The following NCK2 variants were observed in gnomAD, a reference collection of about 807,000 sequenced individuals.
NCK2 encodes the protein cytoplasmic protein NCK2.
A neutral mutation model predicts 33.9 loss-of-function variants in NCK2; 16 were observed. The ratio of observed to expected loss-of-function variants is 0.47; its 90% confidence interval spans 0.32 to 0.72. NCK2 has a LOEUF of 0.72. Ranked by LOEUF, NCK2 falls within the 30% of genes least tolerant of loss-of-function variation. The pLI, the probability that NCK2 is intolerant of heterozygous loss-of-function variation, is 0.03. For missense variants in NCK2, 418 were observed against 537.3 expected (o/e 0.78, Z 2.19); for synonymous variants, 273 against 239.9 (o/e 1.14, Z -1.27).
At position 105,883,666 on chromosome 2, in the gene NCK2, T is replaced by G. The variant is rs190758578; in HGVS notation, c.948+1617T>G. On this transcript the variant is annotated intron_variant, in intron 4 of 4. Coordinates refer to ENST00000233154, the MANE Select transcript of NCK2 (RefSeq NM_003581.5). ...TTGCTGTCTGAATTCAGGGACCAAGTCCCTTTGGATAAGGAGGGATGCATG... is the reference window on the plus strand; with the variant it reads ...TTGCTGTCTGAATTCAGGGACCAAGGCCCTTTGGATAAGGAGGGATGCATG... Among the ~76,000 whole-genome samples, 3 of 152,278 alleles carry G rather than the reference T, an allele frequency of 2.0e-5. No individual in the cohort carries two copies. In the East Asian group the frequency reaches 5.8e-4, roughly 29 times the overall value.
chr2:105,855,318 C>G lies in NCK2; in HGVS notation c.226+29C>G, dbSNP rs768278565. 2.0e-6 allele frequency: 3 copies of G among 1,523,722 alleles called. No homozygotes were observed. In the African/African-American group the frequency reaches 4.1e-5, roughly 21 times the overall value. 94.4% of individuals were successfully genotyped at this position (1,523,722 alleles called of 1,614,324 possible). On this transcript the variant is annotated intron_variant, in intron 3 of 4. Coordinates refer to ENST00000233154, the MANE Select transcript of NCK2 (RefSeq NM_003581.5). ...AGTGTTTCACCCTCGAGAGAGGAAG[C>G]CTTGTGCATTTCAAGGGACACTGTT...
At chr2:105,858,582 A>G (rs1677384944) in intron 3 of NCK2, among the ~76,000 whole-genome samples, 1 of 152,198 alleles carries the variant, frequency 6.6e-6, no homozygotes, top group Non-Finnish European at 1.5e-5. Flanking sequence ...CTGCTTTGGA[A>G]TAAAATGGCA....
Position 105,855,258 on chromosome 2 carries a change from C to T in NCK2, c.195C>T (p.Gly65=), listed in dbSNP as rs758342518. 2 of 1,610,772 alleles carry T rather than the reference C, an allele frequency of 1.2e-6. No individual in the cohort carries two copies. Among genetic ancestry groups the T allele is most frequent in the Non-Finnish European group, 1.7e-6 (2 of 1,178,560 alleles). The change falls in exon 3 of 5, where the codon GGC becomes GGT. Residue 65 remains glycine (G), a synonymous_variant. Transcript: ENST00000233154. ...YVERKNSLKK[G]SLVKNLKDTL... ...AGCGGAAGAACAGCCTGAAGAAGGG[C>T]TCCCTCGTGAAGAACCTGAAGGACA...
intron 2 of NCK2, among the ~76,000 whole-genome samples, chr2:105,835,997 C>T (rs937402773): frequency 2.7e-5 from 4 of 150,486 alleles, no homozygotes; most frequent in African/African-American, 9.9e-5. Flanking sequence ...TGTTGAATTT[C>T]TCCATGAATT....
chr2:105,757,123 A>T (rs890340634), intron 1 of NCK2, among the ~76,000 whole-genome samples: 4 of 152,132 alleles, frequency 2.6e-5, no homozygotes, highest in African/African-American at 9.7e-5. Flanking sequence ...AACTTTATTA[A>T]TGGCTCATGT....
At chr2:105,760,274 A>G (rs927332169) in intron 1 of NCK2, among the ~76,000 whole-genome samples, 3 of 152,162 alleles carry the variant, frequency 2.0e-5, no homozygotes, top group Non-Finnish European at 4.4e-5. Context: ...ATAGGATAGG[A>G]TGGTGCCCCA....
intron 1 of NCK2, among the ~76,000 whole-genome samples, chr2:105,784,680 T>G (rs1690612904): frequency 6.6e-6 from 1 of 152,198 alleles, no homozygotes; most frequent in African/African-American, 2.4e-5. Flanking sequence ...AAGATTCTCA[T>G]TTAGTCTAGT....
chr2:105,818,231 G>A (rs1013702540), intron 2 of NCK2, among the ~76,000 whole-genome samples: 1 of 138,656 alleles, frequency 7.2e-6, no homozygotes, highest in African/African-American at 2.7e-5. Flanking sequence ...TGAACAATGA[G>A]AACACTTGGA....
chr2:105,880,508 G>C (rs1678426931), intron 3 of NCK2, among the ~76,000 whole-genome samples: 1 of 152,188 alleles, frequency 6.6e-6, no homozygotes, highest in Admixed American at 6.5e-5. Flanking sequence ...GGTGGGGGCA[G>C]TGAGTGTCCC....
chr2:105,880,380 C>T (rs567577781), intron 3 of NCK2, among the ~76,000 whole-genome samples: 4 of 152,314 alleles, frequency 2.6e-5, no homozygotes, highest in African/African-American at 9.6e-5. Context: ...GCACTCATCA[C>T]AATCTGTTGT....
intron 1 of NCK2, among the ~76,000 whole-genome samples, chr2:105,812,235 CTG>C (rs1267791636): frequency 1.3e-5 from 2 of 152,194 alleles, no homozygotes; most frequent in Non-Finnish European, 2.9e-5. Context: ...CTGGGAACCA[CTG>C]TGCACTGGAT....
At chr2:105,837,069 G>A (rs185045234) in intron 2 of NCK2, among the ~76,000 whole-genome samples, 1 of 152,296 alleles carries the variant, frequency 6.6e-6, no homozygotes, top group East Asian at 1.9e-4. Flanking sequence ...AGTCAGTCCT[G>A]GCTGGCTGCT....
intron 2 of NCK2, among the ~76,000 whole-genome samples, chr2:105,822,238 C>T (rs1252102626): frequency 5.3e-5 from 8 of 152,196 alleles, no homozygotes; most frequent in African/African-American, 1.9e-4. Context: ...AAGGGGGCAC[C>T]AGCTGGGAAC....
At chr2:105,812,226 TG>T (rs1224554356) in intron 1 of NCK2, among the ~76,000 whole-genome samples, 1 of 152,202 alleles carries the variant, frequency 6.6e-6, no homozygotes, top group East Asian at 1.9e-4. Context: ...AAACCCTGCC[TG>T]GGAACCACTG....
chr2:105,752,394 ATATC>A (rs57534584), intron 1 of NCK2, among the ~76,000 whole-genome samples: 37,406 of 152,054 alleles, frequency 0.25, 5,341 homozygotes, highest in Middle Eastern at 0.36. Context: ...GTTAAAACTA[ATATC>A]TATCATCAAA....
chr2:105,749,751 A>G (rs1689393407), intron 1 of NCK2, among the ~76,000 whole-genome samples: 1 of 151,692 alleles, frequency 6.6e-6, no homozygotes, highest in Non-Finnish European at 1.5e-5. Flanking sequence ...GAGCAATGTC[A>G]GTCTCTCTTG....
At chr2:105,802,462 A>G (rs1342973108) in intron 1 of NCK2, among the ~76,000 whole-genome samples, 2 of 152,234 alleles carry the variant, frequency 1.3e-5, no homozygotes, top group Non-Finnish European at 2.9e-5. Flanking sequence ...CAGGAGGTAC[A>G]GGAAGCATGG....
chr2:105,849,869 T>C (rs1390215075), intron 2 of NCK2, among the ~76,000 whole-genome samples: 1 of 152,234 alleles, frequency 6.6e-6, no homozygotes, highest in Non-Finnish European at 1.5e-5. Flanking sequence ...TCATTATGAC[T>C]GTAGTTGCCA....
In NCK2 at chr2:105,893,080, C is replaced by T. The variant is rs755778856; in HGVS notation, c.1047C>T (p.Phe349=). The T allele has an allele frequency of 6.2e-7, 1 of 1,614,152 alleles. No homozygotes were observed. Among genetic ancestry groups the T allele is most frequent in the South Asian group, 1.1e-5 (1 of 91,076 alleles). ...TCTACTGCATTGGGCAGCGGCGCTT[C>T]CACACCATGGACGAGCTGGTGGAAC... ...DNVYCIGQRR[F]HTMDELVEHY... The change falls in exon 5 of 5, where the codon TTC becomes TTT. Residue 349 remains phenylalanine (F), a synonymous_variant. Transcript: ENST00000233154.
Sources: allele counts gnomAD v4.1 joint callset (sites outside exome capture counted in the v4.1 genomes callset), GRCh38; gene constraint gnomAD v4.1.1; transcripts MANE v1.5; gene names NCBI Gene and HGNC (gene_info 2026-07-23, HGNC 2026-07-21).